PRKD1: variants seen among roughly 807,000 people sequenced by gnomAD.
The protein encoded by PRKD1 is protein kinase D1.
A neutral mutation model predicts 95.9 loss-of-function variants in PRKD1; 63 were observed. That is an observed-to-expected ratio of 0.66 (90% CI 0.54 to 0.81). The LOEUF (loss-of-function observed/expected upper bound fraction) is 0.81, where lower values mean the gene tolerates loss of function less well. Ranked by LOEUF, PRKD1 falls within the 30% of genes least tolerant of loss-of-function variation. The probability of loss-of-function intolerance (pLI) is 0.00; values close to 1 mark genes in which losing one functional copy is unlikely to be tolerated. For missense variants in PRKD1, 1,048 were observed against 1,165.3 expected (o/e 0.90, Z 1.47); for synonymous variants, 425 against 423.1 (o/e 1.00, Z -0.05).
At chr14:29,604,203 C>T (rs1206161263) in intron 13 of PRKD1, among the ~76,000 whole-genome samples, 1 of 152,030 alleles carries the variant, frequency 6.6e-6, no homozygotes, top group Non-Finnish European at 1.5e-5. Context: ...ATATTGGTAT[C>T]TAAGTACTAA....
intron 2 of PRKD1, among the ~76,000 whole-genome samples, chr14:29,683,792 A>G (rs2139275416): frequency 6.6e-6 from 1 of 152,350 alleles, no homozygotes; most frequent in African/African-American, 2.4e-5. Flanking sequence ...TTTATATGTT[A>G]GATCTTATTT....
intron 1 of PRKD1, among the ~76,000 whole-genome samples, chr14:29,750,653 C>CT (rs1887440308): frequency 1.3e-5 from 2 of 151,838 alleles, no homozygotes; most frequent in South Asian, 4.2e-4. Context: ...CTCACTCAGA[C>CT]TGGGGCCATG....
In PRKD1 at chr14:29,626,574, A is replaced by G. The variant is rs766162073; in HGVS notation, c.1726-18T>C. 4.6e-6 allele frequency: 7 copies of G among 1,535,882 alleles called. No individual in the cohort carries two copies. The South Asian group carries it at 5.3e-5, about 12-fold the overall frequency. ...CTGATGTCCTAGAGGTACAAGCCCA[A>G]TGAAAAAAAAACATGAAGCAGAACA... On this transcript the variant is annotated intron_variant, in intron 11 of 17. Coordinates refer to ENST00000331968, the MANE Select transcript of PRKD1 (RefSeq NM_002742.3).
chr14:29,921,435 GCTAGT>G (rs1353243784), intron 1 of PRKD1, among the ~76,000 whole-genome samples: 1 of 151,846 alleles, frequency 6.6e-6, no homozygotes, highest in African/African-American at 2.4e-5. Flanking sequence ...AAGACAGTAT[GCTAGT>G]CTATAGAGCT....
intron 16 of PRKD1, among the ~76,000 whole-genome samples, chr14:29,586,053 A>G (rs1393098299): frequency 6.6e-6 from 1 of 152,198 alleles, no homozygotes; most frequent in East Asian, 1.9e-4. Context: ...TCTGTATTTT[A>G]ATGGCTGCTA....
intron 1 of PRKD1, among the ~76,000 whole-genome samples, chr14:29,731,717 C>T (rs1252522110): frequency 6.6e-6 from 1 of 151,936 alleles, no homozygotes; most frequent in Admixed American, 6.6e-5. Flanking sequence ...ATTTCTTGTC[C>T]TTCATGAACA....
chr14:29,799,989 T>C (rs1172138418), intron 1 of PRKD1, among the ~76,000 whole-genome samples: 1 of 152,156 alleles, frequency 6.6e-6, no homozygotes, highest in Non-Finnish European at 1.5e-5. Flanking sequence ...AAGTGCCGTC[T>C]AGTGTTCCTA....
chr14:29,626,266 A>G (rs1425642475), intron 12 of PRKD1, among the ~76,000 whole-genome samples: 5 of 152,222 alleles, frequency 3.3e-5, no homozygotes, highest in Non-Finnish European at 5.9e-5. Flanking sequence ...AATGTTTTTC[A>G]GGAATATGAA....
At position 29,578,344 on chromosome 14, in the gene PRKD1, G is replaced by A; in HGVS notation, c.2451C>T (p.Asn817=). ...TTCTCATTTTTACTTGCAGCAAATTGTTGATAAGATCAATGGCTGAAAAAA... is the reference window on the plus strand; with the variant it reads ...TTCTCATTTTTACTTGCAGCAAATTATTGATAAGATCAATGGCTGAAAAAA... ...EISHEAIDLI[N]NLLQVKMRKR... Residue 817 remains asparagine, a synonymous_variant, in exon 17 of 18, where the codon AAC becomes AAT. Coordinates refer to ENST00000331968, the MANE Select transcript of PRKD1 (RefSeq NM_002742.3). The A allele has an allele frequency of 6.2e-7, 1 of 1,610,172 alleles. No individual in the cohort carries two copies. Among genetic ancestry groups the A allele is most frequent in the South Asian group, 1.1e-5 (1 of 90,368 alleles).
At chr14:29,906,257 G>C (rs951027487) in intron 1 of PRKD1, among the ~76,000 whole-genome samples, 1 of 152,110 alleles carries the variant, frequency 6.6e-6, no homozygotes, top group Non-Finnish European at 1.5e-5. Flanking sequence ...CTGAAATCTA[G>C]GCTGGGTGTA....
At chr14:29,734,942 G>C (rs557247919) in intron 1 of PRKD1, among the ~76,000 whole-genome samples, 2 of 152,234 alleles carry the variant, frequency 1.3e-5, no homozygotes, top group East Asian at 3.9e-4. Flanking sequence ...CCTGCTGCTA[G>C]GCAGGAAGCT....
chr14:29,684,143 G>GT (rs11285857), intron 2 of PRKD1, among the ~76,000 whole-genome samples: 2,449 of 135,756 alleles, frequency 0.018, 37 homozygotes, highest in African/African-American at 0.038. Context: ...CTTTAGAATG[G>GT]TTTTTTTTTT....
intron 1 of PRKD1, among the ~76,000 whole-genome samples, chr14:29,866,300 C>A (rs1892904737): frequency 6.6e-6 from 1 of 152,048 alleles, no homozygotes. Flanking sequence ...ATTTTATATA[C>A]AAAGCAGTCA....
intron 2 of PRKD1, among the ~76,000 whole-genome samples, chr14:29,695,187 TC>T (rs1884441706): frequency 7.1e-6 from 1 of 140,850 alleles, no homozygotes; most frequent in Non-Finnish European, 1.5e-5. Context: ...TGAGCTGAGA[TC>T]CTGCCACTGC....
rs1892630603 is a variant in PRKD1 at position 29,578,285 on chromosome 14, G to C, written c.2510C>G (p.Pro837Arg). The change falls in exon 17 of 18, where the codon CCT (proline) becomes CGT (arginine). Residue 837 changes from proline to arginine, a missense_variant. By Grantham distance (103) the Pro-to-Arg change is moderately radical. Around this residue, in one of 3 missense-constraint regions of PRKD1, gnomAD observed 739 missense variants for 861.9 expected, o/e 0.86. Transcript: ENST00000331968. ...GTGATTATTGTTTACCTGTAGCCAA[G>C]GGTGGCTCAAGGTCTTATCCACACT... ...RYSVDKTLSH[P>R]WLQDYQTWLD... 3 of 1,603,784 alleles carry C rather than the reference G, an allele frequency of 1.9e-6. No homozygotes were observed. Among genetic ancestry groups the C allele is most frequent in the South Asian group, 2.3e-5 (2 of 88,822 alleles).
In PRKD1 at chr14:29,927,438, G is replaced by T; in HGVS notation, c.75C>A (p.Ala25=). 7.4e-7 allele frequency: 1 copy of T among 1,347,926 alleles called. No homozygotes were observed. Among genetic ancestry groups the T allele is most frequent in the Non-Finnish European group, 9.5e-7 (1 of 1,050,940 alleles). 83.5% of individuals were successfully genotyped at this position (1,347,926 alleles called of 1,614,324 possible). A position where few individuals can be genotyped will look rare whatever the true frequency, so the allele number is the denominator to read the frequency against. Residue 25 remains alanine, a synonymous_variant, in exon 1 of 18, where the codon GCC becomes GCA. Transcript: ENST00000331968. ...CGGGCCCGGACCCTGGGACCAGTGC[G>T]GCGGCCGCTGCGGCAGCTGCCGCCG... The part of the protein sequence containing the change: ...PVAAAAAAAA[A]ALVPGSGPGP...
chr14:29,811,040 G>A (rs1431950015), intron 1 of PRKD1, among the ~76,000 whole-genome samples: 1 of 152,108 alleles, frequency 6.6e-6, no homozygotes, highest in East Asian at 1.9e-4. Flanking sequence ...GAAAACAAGT[G>A]GGCACTGTGT....
intron 1 of PRKD1, among the ~76,000 whole-genome samples, chr14:29,744,490 C>T (rs1887121994): frequency 6.6e-6 from 1 of 152,098 alleles, no homozygotes; most frequent in Admixed American, 6.5e-5. Flanking sequence ...AAGCCACCTG[C>T]CCCTACTCTT....
At chr14:29,584,661 G>A (rs1459199177) in intron 16 of PRKD1, among the ~76,000 whole-genome samples, 4 of 151,980 alleles carry the variant, frequency 2.6e-5, no homozygotes, top group African/African-American at 9.7e-5. Flanking sequence ...AATGTAAATC[G>A]CCATTTTCTT....
Sources: allele counts gnomAD v4.1 joint callset (sites outside exome capture counted in the v4.1 genomes callset), GRCh38; gene constraint gnomAD v4.1.1; regional missense constraint gnomAD v4.1.1; transcripts MANE v1.5; gene names NCBI Gene and HGNC (gene_info 2026-07-23, HGNC 2026-07-21).